The following PPP1R9A variants were observed in gnomAD, a reference collection of about 807,000 sequenced individuals.
PPP1R9A encodes neurabin-1.
Under a neutral mutation model 141.9 loss-of-function variants are expected in PPP1R9A, and 59 were observed. The observed-to-expected ratio is 0.42, with a 90% CI of 0.34 to 0.52. PPP1R9A has a LOEUF of 0.52. Ranked by LOEUF, PPP1R9A falls within the 20% of genes least tolerant of loss-of-function variation. The pLI is 0.10. For missense variants in PPP1R9A, 1,444 were observed against 1,611.9 expected, an observed-to-expected ratio of 0.90 and a Z score of 1.78; for synonymous variants, 500 against 569.7, an observed-to-expected ratio of 0.88 and a Z score of 1.74.
chr7:95,083,719 C>A (rs889446890), intron 2 of PPP1R9A, among the ~76,000 whole-genome samples: 2 of 151,944 alleles, frequency 1.3e-5, no homozygotes, highest in African/African-American at 4.9e-5. Context: ...ACAATCTCAA[C>A]CACCTCCACA....
chr7:95,273,013 A>C (rs1483568589), intron 14 of PPP1R9A, among the ~76,000 whole-genome samples: 1 of 152,170 alleles, frequency 6.6e-6, no homozygotes, highest in Non-Finnish European at 1.5e-5. Flanking sequence ...CCCTCTGCTG[A>C]ATAGTTTGGG....
chr7:94,933,020 A>G (rs1292158733), intron 2 of PPP1R9A, among the ~76,000 whole-genome samples: 2 of 147,646 alleles, frequency 1.4e-5, no homozygotes, highest in African/African-American at 2.4e-5. Flanking sequence ...CAATTTAGGC[A>G]TACACACATC....
chr7:95,217,222 T>C (rs1223102017), intron 7 of PPP1R9A, among the ~76,000 whole-genome samples: 1 of 152,248 alleles, frequency 6.6e-6, no homozygotes, highest in East Asian at 1.9e-4. Context: ...TCTATTGAGA[T>C]AATCATGTGG....
At chr7:95,276,666 T>C (rs1267204725) in intron 16 of PPP1R9A, among the ~76,000 whole-genome samples, 4 of 152,156 alleles carry the variant, frequency 2.6e-5, no homozygotes, top group African/African-American at 9.7e-5. Context: ...TGTTATGACA[T>C]TGGCATACCC....
intron 2 of PPP1R9A, among the ~76,000 whole-genome samples, chr7:94,924,663 G>T (rs1024166075): frequency 2.6e-5 from 4 of 152,080 alleles, no homozygotes; most frequent in African/African-American, 9.7e-5. Flanking sequence ...TGAGTAGCTG[G>T]AATTACAGGC....
chr7:95,038,962 C>T (rs1422280784), intron 2 of PPP1R9A, among the ~76,000 whole-genome samples: 2 of 152,116 alleles, frequency 1.3e-5, no homozygotes, highest in African/African-American at 2.4e-5. Context: ...CTACAGCAAA[C>T]GTTAGACAGC....
chr7:95,231,193 A>G (rs1281919839), intron 8 of PPP1R9A, among the ~76,000 whole-genome samples: 1 of 152,182 alleles, frequency 6.6e-6, no homozygotes, highest in Non-Finnish European at 1.5e-5. Context: ...TAGTCCAACA[A>G]GAAAATATTA....
rs114881030 is a variant in PPP1R9A at position 95,267,359 on chromosome 7, C to G, written c.2666-1191C>G. On this transcript the variant is annotated intron_variant, in intron 12 of 19. Coordinates refer to ENST00000433360, the MANE Select transcript of PPP1R9A (RefSeq NM_001166160.2). ...TGCACTCAATTATTAACTCCTTGAA[C>G]ATGACTTCAGCTAATGACTGCCACT... 8.7e-3 allele frequency among the ~76,000 whole-genome samples: 1,323 copies of G among 152,218 alleles called. 16 individuals carry two copies. The highest frequency in any genetic ancestry group is 0.031 in the African/African-American group (1,273 of 41,556).
At chr7:95,213,941 G>GCTA (rs1471022465) in intron 7 of PPP1R9A, among the ~76,000 whole-genome samples, 4 of 152,156 alleles carry the variant, frequency 2.6e-5, no homozygotes, top group African/African-American at 9.7e-5. Context: ...TGATAATGTT[G>GCTA]CTAAGCTTTG....
At chr7:95,043,917 C>T (rs1181862488) in intron 2 of PPP1R9A, among the ~76,000 whole-genome samples, 2 of 152,162 alleles carry the variant, frequency 1.3e-5, no homozygotes, top group Admixed American at 1.3e-4. Flanking sequence ...TCCTGAAATA[C>T]CTAAGCCTCT....
chr7:95,005,582 C>T (rs1584234357), intron 2 of PPP1R9A, among the ~76,000 whole-genome samples: 1 of 152,130 alleles, frequency 6.6e-6, no homozygotes, highest in East Asian at 1.9e-4. Context: ...AAATTACAAA[C>T]TCACCTTGTG....
intron 2 of PPP1R9A, among the ~76,000 whole-genome samples, chr7:94,995,935 T>A (rs1248776781): frequency 6.6e-6 from 1 of 152,316 alleles, no homozygotes; most frequent in South Asian, 2.1e-4. Flanking sequence ...TGGGATGCAC[T>A]TAAGTTATAT....
intron 2 of PPP1R9A, among the ~76,000 whole-genome samples, chr7:94,992,712 C>T (rs545683263): frequency 6.6e-6 from 1 of 152,112 alleles, no homozygotes; most frequent in Non-Finnish European, 1.5e-5. Flanking sequence ...TTAGATTTCT[C>T]TAATGGCTAA....
intron 5 of PPP1R9A, chr7:95,174,903 A>G (rs1360168203): frequency 6.6e-6 from 1 of 152,100 alleles, no homozygotes; most frequent in East Asian, 1.9e-4. Context: ...TGTGTAACAT[A>G]TTACTATAAA....
intron 3 of PPP1R9A, among the ~76,000 whole-genome samples, chr7:95,118,871 A>T (rs1274927287): frequency 6.6e-6 from 1 of 150,548 alleles, no homozygotes; most frequent in Non-Finnish European, 1.5e-5. Flanking sequence ...TAGTTCCAGC[A>T]CCTCGGAGGC....
At chr7:94,965,021 C>T (rs969933439) in intron 2 of PPP1R9A, among the ~76,000 whole-genome samples, 1 of 152,210 alleles carries the variant, frequency 6.6e-6, no homozygotes, top group Non-Finnish European at 1.5e-5. Flanking sequence ...GCCATTCTAA[C>T]TAGCATGAGA....
At chr7:95,208,678 C>A (rs1160659583) in intron 7 of PPP1R9A, among the ~76,000 whole-genome samples, 3 of 150,302 alleles carry the variant, frequency 2.0e-5, no homozygotes, top group African/African-American at 7.4e-5. Context: ...GAGCCGAGAT[C>A]ACACCACGGC....
chr7:95,149,957 C>G (rs1162496830), intron 4 of PPP1R9A, among the ~76,000 whole-genome samples: 1 of 151,928 alleles, frequency 6.6e-6, no homozygotes, highest in Non-Finnish European at 1.5e-5. Context: ...TCAAGACTTA[C>G]TATAAAGCTT....
At chr7:95,093,099 A>AT (rs1448693337) in intron 2 of PPP1R9A, among the ~76,000 whole-genome samples, 2 of 152,158 alleles carry the variant, frequency 1.3e-5, no homozygotes, top group African/African-American at 4.8e-5. Flanking sequence ...GTTCTTATAC[A>AT]TGGGATGATG....
Sources: allele counts gnomAD v4.1 joint callset (sites outside exome capture counted in the v4.1 genomes callset), GRCh38; gene constraint gnomAD v4.1.1; transcripts MANE v1.5; gene names NCBI Gene and HGNC (gene_info 2026-07-23, HGNC 2026-07-21).